ZP3: variants seen among roughly 807,000 people sequenced by gnomAD.
ZP3 encodes the protein zona pellucida sperm-binding protein 3.
A neutral mutation model predicts 35.6 loss-of-function variants in ZP3; 21 were observed. That is an observed-to-expected ratio of 0.59 (90% confidence interval 0.42 to 0.85). ZP3 has a LOEUF of 0.85. Ranked by LOEUF, ZP3 falls within the 40% of genes least tolerant of loss-of-function variation. ZP3 has a pLI of 0.00. For synonymous variants in ZP3, 207 were observed against 214.5 expected, an observed-to-expected ratio of 0.96 and a Z score of 0.31; for missense variants, 437 against 536.5, an observed-to-expected ratio of 0.81 and a Z score of 1.83.
rs564370805 is a variant in ZP3, at chr7:76,431,057, G to T, written c.431+1424G>T. Among the ~76,000 whole-genome samples the T allele has an allele frequency of 9.8e-5, 15 of 152,324 alleles. No homozygotes were observed. The South Asian group carries it at 3.1e-3, about 32-fold the overall frequency. The stretch of plus-strand genomic sequence containing the variant: ...TGGGTGAGGACTGAATCTCCACCCA[G>T]GGTCACCTGGTGGCTGGTGCTGAAG... On this transcript the variant is annotated intron_variant, in intron 2 of 7. Coordinates refer to ENST00000394857, the MANE Select transcript of ZP3 (RefSeq NM_001110354.2).
chr7:76,400,652 T>G, intron 1 of ZP3: 1 of 1,383,186 alleles, frequency 7.2e-7, no homozygotes, highest in Non-Finnish European at 9.5e-7. Flanking sequence ...GCATGCCCAC[T>G]CCAGGATGTC....
intron 7 of ZP3, 36 bp downstream of exon 7, chr7:76,440,647 C>T (rs945030270): frequency 1.3e-6 from 2 of 1,579,916 alleles, no homozygotes; most frequent in African/African-American, 2.7e-5. Flanking sequence ...TGTTCATTGT[C>T]CCTTACTCAG....
Position 76,433,654 on chromosome 7 carries a change from A to G in ZP3, c.713+7A>G, listed in dbSNP as rs370762507. 6.3e-7 allele frequency: 1 copy of G among 1,590,440 alleles called. No individual in the cohort carries two copies. The highest frequency in any genetic ancestry group is 2.2e-5 in the East Asian group (1 of 44,470). Reference sequence around the variant, plus strand: ...CCATCGTGGACTTCCATGGGTGAGCACTGGGCTCCCTGCCTAGAGAACCTT... The same window carrying G: ...CCATCGTGGACTTCCATGGGTGAGCGCTGGGCTCCCTGCCTAGAGAACCTT... On this transcript the variant is annotated splice_region_variant and intron_variant, in intron 4 of 7. Transcript: ENST00000394857.
chr7:76,397,550 C>G, exon 1 of ZP3: 1 of 1,595,606 alleles, frequency 6.3e-7, no homozygotes, highest in Non-Finnish European at 8.5e-7. Flanking sequence ...CTCGTGGTGG[C>G]CGCAGTTGTG....
At chr7:76,401,073 C>T in intron 1 of ZP3, 2 of 1,526,122 alleles carry the variant, frequency 1.3e-6, no homozygotes, top group Non-Finnish European at 8.8e-7. Flanking sequence ...AGCATTGGCC[C>T]CTCTGCCCAC....
At chr7:76,423,029 A>C (rs113250178), upstream of ZP3, among the ~76,000 whole-genome samples, 1 of 55,534 alleles carries the variant, frequency 1.8e-5, no homozygotes, top group Non-Finnish European at 3.6e-5. Context: ...GAGAGAGAGA[A>C]AGAAAGAAAG....
chr7:76,404,345 A>G, intron 1 of ZP3: 1 of 1,611,726 alleles, frequency 6.2e-7, no homozygotes, highest in African/African-American at 1.3e-5. Context: ...GGCTTGGGGG[A>G]GGAAGGGAGG....
upstream of ZP3, among the ~76,000 whole-genome samples, chr7:76,421,859 T>G (rs1206438335): frequency 2.6e-5 from 4 of 152,054 alleles, no homozygotes; most frequent in African/African-American, 9.7e-5. Context: ...TGTCAGTCCT[T>G]CATCATCTCC....
At chr7:76,419,596 T>C (rs1445014910) in intron 1 of ZP3, among the ~76,000 whole-genome samples, 1 of 152,100 alleles carries the variant, frequency 6.6e-6, no homozygotes, top group Non-Finnish European at 1.5e-5. Context: ...CATGATGTTC[T>C]TTTTCTTTCT....
intron 1 of ZP3, among the ~76,000 whole-genome samples, chr7:76,399,105 T>C (rs976774770): frequency 2.0e-5 from 3 of 151,914 alleles, no homozygotes; most frequent in African/African-American, 7.3e-5. Flanking sequence ...TCCGCCTCCC[T>C]GGTTAAAGCA....
At position 76,433,397 on chromosome 7, in the gene ZP3, C is replaced by T. The variant is rs1047958762; in HGVS notation, c.536-73C>T. 3.3e-6 allele frequency: 5 copies of T among 1,516,218 alleles called. No individual in the cohort carries two copies. In the African/African-American group the frequency reaches 5.5e-5, roughly 17 times the overall value. 93.9% of individuals were successfully genotyped at this position (1,516,218 alleles called of 1,614,324 possible). ...CTCGAACTCCTGACCTCAGGTGATC[C>T]ACCTGCCTCAGCCTCCCAAGGTGCT... On this transcript the variant is annotated intron_variant, in intron 3 of 7. Coordinates refer to ENST00000394857, the MANE Select transcript of ZP3 (RefSeq NM_001110354.2).
Position 76,429,580 on chromosome 7 carries a change from G to C in ZP3, c.378G>C (p.Leu126=), listed in dbSNP as rs1264596458. 1 of 1,614,112 alleles carries C rather than the reference G, an allele frequency of 6.2e-7. No homozygotes were observed. The highest frequency in any genetic ancestry group is 1.6e-4 in the Middle Eastern group (1 of 6,062). The change falls in exon 2 of 8, where the codon CTG becomes CTC. Residue 126 remains leucine (L), a synonymous_variant. Coordinates refer to ENST00000394857, the MANE Select transcript of ZP3 (RefSeq NM_001110354.2). ...LLHDPRPVGN[L]SIVRTNRAEI... ...ATGACCCCCGCCCCGTGGGAAACCT[G>C]TCCATCGTGAGGACTAACCGCGCAG...
upstream of ZP3, chr7:76,424,907 C>G: frequency 2.1e-6 from 3 of 1,439,874 alleles, no homozygotes; most frequent in Non-Finnish European, 2.7e-6. Context: ...GTGGCAGCAG[C>G]CAGCATCCCA....
chr7:76,398,719 C>T (rs746603324), intron 1 of ZP3: 1 of 1,612,942 alleles, frequency 6.2e-7, no homozygotes, highest in Non-Finnish European at 8.5e-7. Context: ...TGCTTACGTA[C>T]TTTTTCCATT....
At chr7:76,408,437 A>C (rs1314360659) in intron 1 of ZP3, among the ~76,000 whole-genome samples, 1 of 152,018 alleles carries the variant, frequency 6.6e-6, no homozygotes, top group African/African-American at 2.4e-5. Flanking sequence ...GGGGGCACAT[A>C]GTTATCTTGG....
intron 1 of ZP3, among the ~76,000 whole-genome samples, chr7:76,407,396 A>G (rs1271187287): frequency 1.3e-5 from 2 of 151,702 alleles, no homozygotes; most frequent in African/African-American, 2.4e-5. Context: ...CAGTGGCACA[A>G]TCTCGGCTCA....
intron 1 of ZP3, among the ~76,000 whole-genome samples, chr7:76,411,084 G>A (rs564855245): frequency 1.3e-5 from 2 of 150,674 alleles, no homozygotes; most frequent in East Asian, 3.9e-4. Context: ...CCTGCTGCCC[G>A]CACCTGTCCT....
chr7:76,421,308 T>C (rs562133876), upstream of ZP3, among the ~76,000 whole-genome samples: 32 of 152,182 alleles, frequency 2.1e-4, no homozygotes, highest in Admixed American at 1.8e-3. Context: ...CATGACTCAC[T>C]GAAGCTTAGA....
chr7:76,404,774 A>C (rs1804946681), intron 1 of ZP3, among the ~76,000 whole-genome samples: 1 of 150,830 alleles, frequency 6.6e-6, no homozygotes, highest in Non-Finnish European at 1.5e-5. Context: ...TGTTACCAAA[A>C]AATGCAAAAA....
Sources: gnomAD v4.1 joint callset for allele counts (sites outside exome capture counted in the v4.1 genomes callset) on GRCh38, gnomAD v4.1.1 for gene constraint, MANE v1.5 for transcripts, NCBI Gene and HGNC (gene_info 2026-07-23, HGNC 2026-07-21) for gene names.